COL5A2: variants seen among roughly 807,000 people sequenced by gnomAD.
COL5A2 encodes the protein collagen type V alpha 2 chain, also known as collagen alpha-2(V) chain.
A neutral mutation model predicts 208.2 loss-of-function variants in COL5A2; 23 were observed. That is an observed-to-expected ratio of 0.11 (90% confidence interval 0.08 to 0.16). COL5A2 has a LOEUF of 0.16. Among genes scored for constraint, COL5A2 ranks in the 10% least tolerant of loss-of-function variants. The pLI, the probability that COL5A2 is intolerant of heterozygous loss-of-function variation, is 1.00. For synonymous variants in COL5A2, 625 were observed against 628.5 expected (o/e 0.99, Z 0.08); for missense variants, 1,590 against 1,956.4 (o/e 0.81, Z 3.53).
chr2:189,069,699 A>C (rs140952771), intron 18 of COL5A2, among the ~76,000 whole-genome samples: 1 of 152,320 alleles, frequency 6.6e-6, no homozygotes, highest in Admixed American at 6.5e-5. Context: ...AACTCACTGT[A>C]AAAAGTCTAT....
chr2:189,311,616 T>G, the COL5A2 span: 2 of 933,628 alleles, frequency 2.1e-6, no homozygotes, highest in South Asian at 1.4e-5. Flanking sequence ...AGATTTCTCA[T>G]AGAGTCCAGG....
At chr2:189,377,077 G>A in the COL5A2 span, among the ~76,000 whole-genome samples, 3 of 152,146 alleles carry the variant, frequency 2.0e-5, no homozygotes, top group East Asian at 5.8e-4. Context: ...TTTATAATCT[G>A]ATCCCAACTT....
At chr2:189,220,230 A>G (rs2105877854) in intron 1 of COL5A2, among the ~76,000 whole-genome samples, 1 of 152,326 alleles carries the variant, frequency 6.6e-6, no homozygotes, top group East Asian at 1.9e-4. Context: ...CAACACAGTC[A>G]TAACACCCAT....
intron 1 of COL5A2, among the ~76,000 whole-genome samples, chr2:189,225,028 C>T (rs1345847627): frequency 6.6e-6 from 1 of 152,130 alleles, no homozygotes; most frequent in Non-Finnish European, 1.5e-5. Context: ...AACAATGAGA[C>T]ATTTTACAAT....
At chr2:189,407,213 G>T in the COL5A2 span, among the ~76,000 whole-genome samples, 1 of 151,730 alleles carries the variant, frequency 6.6e-6, no homozygotes, top group Non-Finnish European at 1.5e-5. Flanking sequence ...ACCTGTAAAG[G>T]TTTTTTTTAC....
chr2:189,097,660 C>T, intron 5 of COL5A2: 1 of 517,182 alleles, frequency 1.9e-6, no homozygotes, highest in Non-Finnish European at 3.7e-6. Context: ...AAAGCCTTTG[C>T]CACTAAACTC....
At chr2:189,261,521 A>G in the COL5A2 span, among the ~76,000 whole-genome samples, 1 of 152,190 alleles carries the variant, frequency 6.6e-6, no homozygotes, top group African/African-American at 2.4e-5. Context: ...AAAAATGTGA[A>G]TCATAAAAGT....
At chr2:189,181,006 G>T (rs528707948), upstream of COL5A2, among the ~76,000 whole-genome samples, 2 of 152,110 alleles carry the variant, frequency 1.3e-5, no homozygotes, top group African/African-American at 2.4e-5. Flanking sequence ...TGACATAAAA[G>T]AAATAAAAGA....
At chr2:189,275,457 C>CTTTTT in the COL5A2 span, among the ~76,000 whole-genome samples, 5 of 140,086 alleles carry the variant, frequency 3.6e-5, no homozygotes, top group East Asian at 6.2e-4. Flanking sequence ...TCTTTCTTTC[C>CTTTTT]TTTTTTTTTT....
the COL5A2 span, among the ~76,000 whole-genome samples, chr2:189,380,553 A>T: frequency 0.026 from 3,943 of 151,806 alleles, 176 homozygotes; most frequent in African/African-American, 0.091. Flanking sequence ...TTATTTAAAA[A>T]CCTCTAGTAC....
intron 46 of COL5A2, 102 bp downstream of exon 46, chr2:189,045,698 A>G: frequency 1.1e-6 from 1 of 899,898 alleles, no homozygotes. Flanking sequence ...AGAGTCCTTA[A>G]CGAAGTGCAC....
At chr2:189,074,781 A>G (rs917873790) in intron 17 of COL5A2, among the ~76,000 whole-genome samples, 2 of 152,202 alleles carry the variant, frequency 1.3e-5, no homozygotes, top group East Asian at 3.8e-4. Flanking sequence ...GGCCTCTGTT[A>G]CTACCATAAT....
At chr2:189,086,148 T>A (rs1028900491) in intron 9 of COL5A2, among the ~76,000 whole-genome samples, 1 of 152,178 alleles carries the variant, frequency 6.6e-6, no homozygotes, top group East Asian at 1.9e-4. Context: ...CACATGACAA[T>A]GACAATGTGG....
chr2:189,261,316 T>C, the COL5A2 span, among the ~76,000 whole-genome samples: 1 of 152,196 alleles, frequency 6.6e-6, no homozygotes, highest in South Asian at 2.1e-4. Context: ...CATACATATG[T>C]TGAAAATAAC....
chr2:189,215,620 A>G (rs1689269424), intron 1 of COL5A2, among the ~76,000 whole-genome samples: 1 of 152,102 alleles, frequency 6.6e-6, no homozygotes, highest in African/African-American at 2.4e-5. Flanking sequence ...ATCTCACATT[A>G]CATATCTTTT....
At chr2:189,323,613 A>G in the COL5A2 span, among the ~76,000 whole-genome samples, 1 of 152,178 alleles carries the variant, frequency 6.6e-6, no homozygotes, top group African/African-American at 2.4e-5. Flanking sequence ...CCAACTTACT[A>G]GGGATGTGAA....
chr2:189,369,249 A>G, the COL5A2 span, among the ~76,000 whole-genome samples: 1 of 152,142 alleles, frequency 6.6e-6, no homozygotes. Flanking sequence ...AGTCTTACCT[A>G]ATTTTGAAGA....
intron 1 of COL5A2, among the ~76,000 whole-genome samples, chr2:189,196,782 A>G (rs890843490): frequency 2.0e-5 from 3 of 152,152 alleles, no homozygotes; most frequent in African/African-American, 7.2e-5. Context: ...GCAATTATTA[A>G]AAAGTCAAGA....
At chr2:189,266,549 T>A in the COL5A2 span, among the ~76,000 whole-genome samples, 4 of 152,076 alleles carry the variant, frequency 2.6e-5, no homozygotes, top group Non-Finnish European at 5.9e-5. Flanking sequence ...CCTAAATCTA[T>A]GAAGTGTCCA....
Sources: allele counts gnomAD v4.1 joint callset (sites outside exome capture counted in the v4.1 genomes callset), GRCh38; gene constraint gnomAD v4.1.1; transcripts MANE v1.5; gene names NCBI Gene and HGNC (gene_info 2026-07-23, HGNC 2026-07-21).